The following PLEKHA5 variants were observed in gnomAD, a reference collection of about 807,000 sequenced individuals.
PLEKHA5 encodes pleckstrin homology domain containing A5, also known as pleckstrin homology domain-containing family A member 5.
PLEKHA5 carries 55 observed loss-of-function variants against 181.9 expected under a neutral mutation model. That is an observed-to-expected ratio of 0.30 (90% CI 0.24 to 0.38). The LOEUF (loss-of-function observed/expected upper bound fraction) is 0.38, where lower values mean the gene tolerates loss of function less well. Among genes scored for constraint, PLEKHA5 ranks in the 10% least tolerant of loss-of-function variants. The pLI, the probability that PLEKHA5 is intolerant of heterozygous loss-of-function variation, is 1.00. For synonymous variants in PLEKHA5, 535 were observed against 529.4 expected, an observed-to-expected ratio of 1.01 and a Z score of -0.15; for missense variants, 1,432 against 1,549.5, an observed-to-expected ratio of 0.92 and a Z score of 1.27.
intron 6 of PLEKHA5, among the ~76,000 whole-genome samples, chr12:19,257,986 C>G (rs1302059907): frequency 6.6e-6 from 1 of 151,656 alleles, no homozygotes; most frequent in Non-Finnish European, 1.5e-5. Context: ...TCAGATTTTT[C>G]TGAGTTTTTT....
intron 20 of PLEKHA5, among the ~76,000 whole-genome samples, chr12:19,331,597 T>C (rs1342399897): frequency 6.6e-6 from 1 of 152,216 alleles, no homozygotes; most frequent in Non-Finnish European, 1.5e-5. Flanking sequence ...TTTGGAAATC[T>C]GGAATTTCAT....
At chr12:19,357,322 A>G (rs2417779) in intron 26 of PLEKHA5, among the ~76,000 whole-genome samples, 112,447 of 149,230 alleles carry the variant, frequency 0.75, 45,280 homozygotes, top group Non-Finnish European at 0.92. Flanking sequence ...TCAGTTCACT[A>G]CAACCTCTGC....
rs557770689 is a variant in PLEKHA5, at chr12:19,187,836, T to G, written c.227+55386T>G. Among the ~76,000 whole-genome samples the G allele has an allele frequency of 2.0e-5, 3 of 152,304 alleles. No individual in the cohort carries two copies. In the South Asian group the frequency reaches 6.2e-4, roughly 32 times the overall value. ...GAACATATTTTTATGAAAATGAAACTAGACCATTTTAATATTTTTTAAATG... is the reference window on the plus strand; with the variant it reads ...GAACATATTTTTATGAAAATGAAACGAGACCATTTTAATATTTTTTAAATG... On this transcript the variant is annotated intron_variant, in intron 3 of 31. Transcript: ENST00000429027.
chr12:19,290,482 A>G (rs2078184094), intron 13 of PLEKHA5, among the ~76,000 whole-genome samples, 195 bp from the exon 14 acceptor site: 1 of 152,182 alleles, frequency 6.6e-6, no homozygotes, highest in African/African-American at 2.4e-5. Flanking sequence ...TGTATCTTTT[A>G]AAGTAACACT....
chr12:19,211,637 A>C, intron 3 of PLEKHA5, among the ~76,000 whole-genome samples: 1 of 152,226 alleles, frequency 6.6e-6, no homozygotes, highest in East Asian at 1.9e-4. Context: ...TCAATAGAAG[A>C]TATCAAATGA....
At chr12:19,203,333 A>G (rs1398124165) in intron 3 of PLEKHA5, among the ~76,000 whole-genome samples, 3 of 152,060 alleles carry the variant, frequency 2.0e-5, no homozygotes, top group East Asian at 3.9e-4. Context: ...AGGGTATAGA[A>G]CACTTCTTGC....
chr12:19,213,292 G>T (rs970872239), intron 3 of PLEKHA5, among the ~76,000 whole-genome samples: 1 of 88,542 alleles, frequency 1.1e-5, no homozygotes, highest in Non-Finnish European at 2.7e-5. Flanking sequence ...CATTTGCTAA[G>T]CATGGTTTCT....
chr12:19,292,615 G>A (rs972871073), intron 15 of PLEKHA5, among the ~76,000 whole-genome samples: 2 of 152,022 alleles, frequency 1.3e-5, no homozygotes, highest in Non-Finnish European at 2.9e-5. Flanking sequence ...GGCACCAGGT[G>A]TGCCTGGTTG....
chr12:19,369,298 G>A (rs2095516547), intron 30 of PLEKHA5, among the ~76,000 whole-genome samples: 1 of 150,526 alleles, frequency 6.6e-6, no homozygotes, highest in South Asian at 2.1e-4. Context: ...GCCTCCCAAA[G>A]TGGTGGGATT....
chr12:19,140,858 G>C (rs147353426), intron 3 of PLEKHA5, among the ~76,000 whole-genome samples: 1 of 152,108 alleles, frequency 6.6e-6, no homozygotes, highest in Non-Finnish European at 1.5e-5. Context: ...ACTCAGTCTC[G>C]GTTCACTGCA....
chr12:19,238,687 CAA>C (rs1420947600), intron 3 of PLEKHA5, among the ~76,000 whole-genome samples: 1 of 147,072 alleles, frequency 6.8e-6, no homozygotes, highest in Non-Finnish European at 1.5e-5. Flanking sequence ...ACATTTTAAA[CAA>C]AGATGTTTTT....
intron 25 of PLEKHA5, among the ~76,000 whole-genome samples, chr12:19,353,641 T>C (rs1266218591): frequency 1.3e-5 from 2 of 152,098 alleles, no homozygotes; most frequent in African/African-American, 4.8e-5. Context: ...GTATTTTTAG[T>C]GGAGACGGGG....
chr12:19,295,556 T>C (rs894996229), intron 15 of PLEKHA5, among the ~76,000 whole-genome samples: 3 of 152,138 alleles, frequency 2.0e-5, no homozygotes, highest in African/African-American at 7.2e-5. Context: ...AAAGAAAATT[T>C]TGAAAAAAAT....
Position 19,265,810 on chromosome 12 carries a change from T to C in PLEKHA5, c.671T>C (p.Leu224Pro). ...TTACCTAGTTTTCAGATAGCTTTGC[T>C]TACCTCTGAAGATCACATTAATCGC... is the stretch of plus-strand genomic sequence containing the variant. ...ILLPSFQIAL[L>P]TSEDHINRKY... is the part of the protein sequence containing the mutation. Residue 224 changes from leucine to proline, a missense_variant, in exon 8 of 32, where the codon CTT becomes CCT. This residue lies in a region of PLEKHA5 where 289 missense variants were observed against 381.1 expected (regional missense o/e 0.76). Transcript: ENST00000429027. 1 of 1,605,004 alleles carries C rather than the reference T, an allele frequency of 6.2e-7. No homozygotes were observed. The highest frequency in any genetic ancestry group is 8.5e-7 in the Non-Finnish European group (1 of 1,172,508).
At chr12:19,297,969 G>A (rs2080352116) in intron 15 of PLEKHA5, among the ~76,000 whole-genome samples, 1 of 152,072 alleles carries the variant, frequency 6.6e-6, no homozygotes, top group Non-Finnish European at 1.5e-5. Context: ...ACTTTGGGAG[G>A]CCAAGGTGGG....
At chr12:19,133,288 C>A (rs927018325) in intron 3 of PLEKHA5, among the ~76,000 whole-genome samples, 4 of 151,916 alleles carry the variant, frequency 2.6e-5, no homozygotes, top group African/African-American at 9.7e-5. Flanking sequence ...GAGACAAATA[C>A]AAAGCTGGAG....
rs1325049664 is a variant in PLEKHA5, at chr12:19,274,600, C to G, written c.930C>G (p.Ile310Met). ...PNHRVLIKPEIQNNQKNKEMS... is the reference protein window; with the variant it reads ...PNHRVLIKPEMQNNQKNKEMS... ...ATAGAGTGCTAATTAAACCAGAGAT[C>G]CAAAACAATCAAAAAAACAAGGAAA... The change falls in exon 11 of 32, where the codon ATC (isoleucine) becomes ATG (methionine). Residue 310 changes from isoleucine (I) to methionine (M), a missense_variant. This residue lies in a region of PLEKHA5 where 1,143 missense variants were observed against 1,168.4 expected (regional missense o/e 0.98). Coordinates refer to ENST00000429027, the MANE Select transcript of PLEKHA5 (RefSeq NM_001256470.2). 2 of 1,613,018 alleles carry G rather than the reference C, an allele frequency of 1.2e-6. No homozygotes were observed. The highest frequency in any genetic ancestry group is 4.5e-5 in the East Asian group (2 of 44,862).
intron 11 of PLEKHA5, among the ~76,000 whole-genome samples, chr12:19,276,368 G>A (rs1300670368): frequency 2.6e-5 from 4 of 152,176 alleles, no homozygotes; most frequent in Non-Finnish European, 5.9e-5. Context: ...TTGCTTTGAT[G>A]TGCTTGATTG....
rs147801060 is a variant in PLEKHA5, at chr12:19,314,683, A to T, written c.2038-131A>T. The T allele has an allele frequency of 8.8e-6, 6 of 682,826 alleles. No homozygotes were observed. The African/African-American group carries it at 1.1e-4, about 12-fold the overall frequency. The allele number at this position is 682,826 out of a possible 1,614,324, so 42.3% of individuals were successfully genotyped here. Reference sequence around the variant, plus strand: ...TTATATGAATTAAATCTGTACAACCATGGGGTAAAATGTAAACAACTGCAC... The same window carrying T: ...TTATATGAATTAAATCTGTACAACCTTGGGGTAAAATGTAAACAACTGCAC... On this transcript the variant is annotated intron_variant, in intron 15 of 31. Coordinates refer to ENST00000429027, the MANE Select transcript of PLEKHA5 (RefSeq NM_001256470.2).
Sources: gnomAD v4.1 joint callset for allele counts (sites outside exome capture counted in the v4.1 genomes callset) on GRCh38, gnomAD v4.1.1 for gene constraint, gnomAD v4.1.1 regional missense constraint, MANE v1.5 for transcripts, NCBI Gene and HGNC (gene_info 2026-07-23, HGNC 2026-07-21) for gene names.